Variants in SMCHD1 observed in about 807,000 individuals in gnomAD.
SMCHD1 encodes structural maintenance of chromosomes flexible hinge domain-containing protein 1.
Under a neutral mutation model 254.7 loss-of-function variants are expected in SMCHD1, and 78 were observed. The ratio of observed to expected loss-of-function variants is 0.31; its 90% CI spans 0.26 to 0.37. The LOEUF is 0.37. Ranked by LOEUF, SMCHD1 falls within the 10% of genes least tolerant of loss-of-function variation. SMCHD1 has a pLI of 1.00. For missense variants in SMCHD1, 1,840 were observed against 2,408.1 expected, an observed-to-expected ratio of 0.76 and a Z score of 4.94; for synonymous variants, 766 against 794.9, an observed-to-expected ratio of 0.96 and a Z score of 0.61.
At chr18:2,752,752 T>G in intron 34 of SMCHD1, 200 bp downstream of exon 34, 1 of 479,140 alleles carries the variant, frequency 2.1e-6, no homozygotes, top group South Asian at 2.5e-5. Context: ...CTTTGTAAAT[T>G]GTAATTGTAT....
At chr18:2,733,592 G>C (rs1202381351) in intron 25 of SMCHD1, among the ~76,000 whole-genome samples, 2 of 152,168 alleles carry the variant, frequency 1.3e-5, no homozygotes, top group Non-Finnish European at 2.9e-5. Context: ...TTCCCACTTG[G>C]TTCAGCTGGG....
At chr18:2,674,176 G>A in intron 5 of SMCHD1, 31 bp downstream of exon 5, 1 of 1,529,696 alleles carries the variant, frequency 6.5e-7, no homozygotes, top group Non-Finnish European at 8.8e-7. Context: ...TTTTTTTGTG[G>A]GTAGCTATGT....
rs368936364 is a variant in SMCHD1 at position 2,752,431 on chromosome 18, A to G, written c.4282-57A>G. On this transcript the variant is annotated intron_variant, in intron 33 of 47. Coordinates refer to ENST00000320876, the MANE Select transcript of SMCHD1 (RefSeq NM_015295.3). ...TATAATAAGCTTTCCTCCTAAGTAT[A>G]CTATGTTAAATTTTGTCATTTTCCC... The G allele has an allele frequency of 5.5e-6, 6 of 1,098,354 alleles. No individual in the cohort carries two copies. The African/African-American group carries it at 7.7e-5, about 14-fold the overall frequency. 68.0% of individuals were successfully genotyped at this position (1,098,354 alleles called of 1,614,324 possible).
intron 3 of SMCHD1, among the ~76,000 whole-genome samples, chr18:2,672,125 A>G (rs2073623711): frequency 6.6e-6 from 1 of 152,092 alleles, no homozygotes; most frequent in Non-Finnish European, 1.5e-5. Flanking sequence ...ACCCTTGTAC[A>G]TAATCTGATT....
At position 2,703,260 on chromosome 18, in the gene SMCHD1, A is replaced by G. The variant is rs78338692; in HGVS notation, c.1648-432A>G. Among the ~76,000 whole-genome samples the G allele has an allele frequency of 0.013, 1,968 of 152,232 alleles. 125 individuals are homozygous for G. In the East Asian group the frequency reaches 0.19, roughly 15 times the overall value. ...AGATTTACCATCTATCTGTTTGTAT[A>G]TTGTATTCACGTTTATAAAGTACTT... On this transcript the variant is annotated intron_variant, in intron 12 of 47. Coordinates refer to ENST00000320876, the MANE Select transcript of SMCHD1 (RefSeq NM_015295.3).
At chr18:2,706,062 A>G (rs1272050669) in intron 14 of SMCHD1, among the ~76,000 whole-genome samples, 1 of 152,148 alleles carries the variant, frequency 6.6e-6, no homozygotes, top group Non-Finnish European at 1.5e-5. Flanking sequence ...TATTTCCTCT[A>G]GGGCCCACTA....
intron 17 of SMCHD1, among the ~76,000 whole-genome samples, chr18:2,712,933 C>T (rs2074714209): frequency 6.6e-6 from 1 of 152,192 alleles, no homozygotes; most frequent in African/African-American, 2.4e-5. Flanking sequence ...TCCTCACTTA[C>T]CATACCTCTA....
chr18:2,791,538 C>G (rs965574121), intron 45 of SMCHD1, among the ~76,000 whole-genome samples: 1 of 152,170 alleles, frequency 6.6e-6, no homozygotes, highest in Non-Finnish European at 1.5e-5. Context: ...CAGAGTGAGG[C>G]TCTGTCTCAA....
chr18:2,771,082 C>T lies in SMCHD1; in HGVS notation c.4967-451C>T, dbSNP rs375309979. 7.9e-5 allele frequency among the ~76,000 whole-genome samples: 12 copies of T among 152,286 alleles called. No individual in the cohort carries two copies. The South Asian group carries it at 8.3e-4, about 11-fold the overall frequency. ...CAAGTTAACCAAGAAATATTTACCG[C>T]TTGCCTCAAAGTACTCACTTTTGTG... On this transcript the variant is annotated intron_variant, in intron 39 of 47. Coordinates refer to ENST00000320876, the MANE Select transcript of SMCHD1 (RefSeq NM_015295.3).
At chr18:2,784,090 CTTAAATCTA>C (rs1002826101) in intron 44 of SMCHD1, among the ~76,000 whole-genome samples, 2 of 152,156 alleles carry the variant, frequency 1.3e-5, no homozygotes, top group Non-Finnish European at 2.9e-5. Context: ...ATCTAAAAAA[CTTAAATCTA>C]ACAGAGGAAA....
At chr18:2,679,127 T>G (rs2073858646) in intron 5 of SMCHD1, among the ~76,000 whole-genome samples, 4 of 148,372 alleles carry the variant, frequency 2.7e-5, no homozygotes, top group Admixed American at 2.7e-4. Context: ...ATTACAAGTG[T>G]GAGCCACCGC....
chr18:2,784,840 T>G (rs746905774), intron 45 of SMCHD1: 1 of 562,512 alleles, frequency 1.8e-6, no homozygotes, highest in Non-Finnish European at 3.3e-6. Flanking sequence ...CATTCTTATA[T>G]GTAGTGCATG....
chr18:2,656,050 C>T lies in SMCHD1; in HGVS notation c.-26C>T. 7.5e-6 allele frequency: 10 copies of T among 1,329,210 alleles called. No homozygotes were observed. Among genetic ancestry groups the T allele is most frequent in the Non-Finnish European group, 9.7e-6 (10 of 1,035,574 alleles). 82.3% of individuals were successfully genotyped at this position (1,329,210 alleles called of 1,614,324 possible). On this transcript the variant is annotated 5_prime_UTR_variant, in exon 1 of 48. Transcript: ENST00000320876. ...CCCTGAGCCCGGCGGCGGCAGGCGTCGCTGTCTTTTCTCCTTTTCCCCAAT... is the reference window on the plus strand; with the variant it reads ...CCCTGAGCCCGGCGGCGGCAGGCGTTGCTGTCTTTTCTCCTTTTCCCCAAT...
Position 2,777,896 on chromosome 18 carries a change from T to C in SMCHD1, c.5457T>C (p.Asn1819=), listed in dbSNP as rs535814110. The C allele has an allele frequency of 6.5e-7, 1 of 1,542,498 alleles. No homozygotes were observed. Among genetic ancestry groups the C allele is most frequent in the South Asian group, 1.2e-5 (1 of 82,120 alleles). The change falls in exon 43 of 48, where the codon AAT becomes AAC. Residue 1819 remains asparagine (N), a synonymous_variant. Transcript: ENST00000320876. ...FARDLLTFPD[N]VEHCETVFGM... ...GAGACTTGTTAACATTTCCAGATAA[T>C]GTAGAACATTGTGAAACAGGTAAAA...
At chr18:2,696,378 A>G (rs2074285920) in intron 8 of SMCHD1, among the ~76,000 whole-genome samples, 1 of 152,176 alleles carries the variant, frequency 6.6e-6, no homozygotes, top group Non-Finnish European at 1.5e-5. Flanking sequence ...CTGTCAGATC[A>G]CTGGCAGCAC....
In SMCHD1 at chr18:2,778,175, G is replaced by A. The variant is rs1244754864; in HGVS notation, c.5483G>A (p.Gly1828Asp). Residue 1828 changes from glycine (G) to aspartate (D), a missense_variant, in exon 44 of 48, where the codon GGT becomes GAT. By Grantham distance (94) the Gly-to-Asp change is moderately conservative. Transcript: ENST00000320876. ...DNVEHCETVFGMLLGDTIILD... is the reference protein window; with the variant it reads ...DNVEHCETVFDMLLGDTIILD... The stretch of plus-strand genomic sequence containing the variant: ...CATTTATTGACTTTTTTAGTATTTG[G>A]TATGCTGTTAGGAGACACCATTATT... The A allele has an allele frequency of 1.9e-6, 3 of 1,602,968 alleles. No individual in the cohort carries two copies. The highest frequency in any genetic ancestry group is 2.6e-6 in the Non-Finnish European group (3 of 1,173,912).
At chr18:2,790,511 G>A (rs1394541753) in intron 45 of SMCHD1, among the ~76,000 whole-genome samples, 2 of 152,122 alleles carry the variant, frequency 1.3e-5, no homozygotes, top group East Asian at 3.9e-4. Flanking sequence ...TGTAATCCCA[G>A]CACTCTGGGA....
intron 29 of SMCHD1, among the ~76,000 whole-genome samples, chr18:2,744,566 CT>C (rs993144186): frequency 2.3e-4 from 35 of 151,942 alleles, no homozygotes; most frequent in African/African-American, 4.8e-4. Context: ...TATTCTCATA[CT>C]TTTTTTTGTG....
intron 25 of SMCHD1, among the ~76,000 whole-genome samples, chr18:2,733,819 A>T (rs1293721891): frequency 6.6e-6 from 1 of 152,234 alleles, no homozygotes; most frequent in Non-Finnish European, 1.5e-5. Flanking sequence ...TATGGAGATA[A>T]AATTCCCAAG....
Sources: allele counts gnomAD v4.1 joint callset (sites outside exome capture counted in the v4.1 genomes callset), GRCh38; gene constraint gnomAD v4.1.1; transcripts MANE v1.5; gene names NCBI Gene and HGNC (gene_info 2026-07-23, HGNC 2026-07-21).